Variants in MAD1L1 observed in about 807,000 individuals in gnomAD.
The protein encoded by MAD1L1 is mitotic spindle assembly checkpoint protein MAD1.
In MAD1L1, 95 loss-of-function variants were observed where a neutral mutation model predicts 96.9. That is an observed-to-expected ratio of 0.98 (90% CI 0.83 to 1.16). The LOEUF (loss-of-function observed/expected upper bound fraction) is 1.16. Among genes scored for constraint, MAD1L1 ranks in the 50% most tolerant of loss-of-function variants. The pLI is 0.00. For missense variants in MAD1L1, 1,007 were observed against 954.4 expected (o/e 1.06, Z -0.73); for synonymous variants, 473 against 396.6 (o/e 1.19, Z -2.29).
intron 9 of MAD1L1, among the ~76,000 whole-genome samples, chr7:2,214,562 C>A (rs1793160135): frequency 6.6e-6 from 1 of 152,100 alleles, no homozygotes; most frequent in Non-Finnish European, 1.5e-5. Context: ...TCCTGCCAGG[C>A]CCCACAACCA....
chr7:1,909,641 G>A (rs1229321398), intron 17 of MAD1L1, among the ~76,000 whole-genome samples: 2 of 152,110 alleles, frequency 1.3e-5, no homozygotes, highest in Non-Finnish European at 2.9e-5. Context: ...AGGGGCTGCC[G>A]GCCCCAAATC....
chr7:1,920,813 C>A (rs947574563), intron 17 of MAD1L1, among the ~76,000 whole-genome samples: 3 of 152,270 alleles, frequency 2.0e-5, no homozygotes, highest in Admixed American at 6.5e-5. Context: ...ACATCACCTA[C>A]ACCCCATAAC....
intron 14 of MAD1L1, among the ~76,000 whole-genome samples, chr7:1,982,226 T>G (rs1399705138): frequency 6.6e-6 from 1 of 151,966 alleles, no homozygotes; most frequent in African/African-American, 2.4e-5. Flanking sequence ...AATATACATA[T>G]ATATTCTGAG....
chr7:1,907,909 G>A (rs918025982), intron 17 of MAD1L1, among the ~76,000 whole-genome samples: 2 of 152,236 alleles, frequency 1.3e-5, no homozygotes, highest in African/African-American at 4.8e-5. Flanking sequence ...ACCTGAGCAT[G>A]GTCCGGAGAG....
Position 2,120,535 on chromosome 7 carries a change from C to T in MAD1L1, c.1073+28617G>A, listed in dbSNP as rs138484553. Reference sequence around the variant, plus strand: ...GTGCAGGAACCAAGCGGAAGCCCCACACCCAGGGCGCTGCCTTCTGCCAGA... The same window carrying T: ...GTGCAGGAACCAAGCGGAAGCCCCATACCCAGGGCGCTGCCTTCTGCCAGA... On this transcript the variant is annotated intron_variant, in intron 11 of 18. Transcript: ENST00000265854. 5.2e-3 allele frequency among the ~76,000 whole-genome samples: 799 copies of T among 152,364 alleles called. 6 individuals carry two copies. Among genetic ancestry groups the T allele is most frequent in the African/African-American group, 0.018 (763 of 41,592 alleles).
chr7:1,911,452 G>A (rs761521268), intron 17 of MAD1L1, among the ~76,000 whole-genome samples: 2 of 152,176 alleles, frequency 1.3e-5, no homozygotes, highest in African/African-American at 4.8e-5. Context: ...ACAGTCACTC[G>A]TGTGCAGCCC....
At chr7:1,953,748 CGT>C (rs1779605117) in intron 16 of MAD1L1, among the ~76,000 whole-genome samples, 6 of 152,252 alleles carry the variant, frequency 3.9e-5, no homozygotes, top group Middle Eastern at 3.2e-3. Context: ...AACTTCACAA[CGT>C]ATCTTTAAAT....
intron 7 of MAD1L1, among the ~76,000 whole-genome samples, chr7:2,216,975 T>C (rs1351923696): frequency 1.3e-5 from 2 of 152,104 alleles, no homozygotes; most frequent in African/African-American, 2.4e-5. Context: ...CTCCGCGTAC[T>C]GGGAGCTGGC....
rs1350386438 is a variant in MAD1L1, at chr7:2,142,939, C to T, written c.1073+6213G>A. Among the ~76,000 whole-genome samples the T allele has an allele frequency of 6.6e-6, 1 of 152,230 alleles. No individual in the cohort carries two copies. Among genetic ancestry groups the T allele is most frequent in the Non-Finnish European group, 1.5e-5 (1 of 68,040 alleles). ...CTCCCAGATGCCCCCACCGCCTAACCCGTCTGATCATCACCACTGGCCACA... is the reference window on the plus strand; with the variant it reads ...CTCCCAGATGCCCCCACCGCCTAACTCGTCTGATCATCACCACTGGCCACA... On this transcript the variant is annotated intron_variant, in intron 11 of 18. Transcript: ENST00000265854. This position sits in a 1 kb window ranked among gnomAD's most constrained non-coding sequence, Gnocchi z 4.7.
At chr7:2,188,459 A>G (rs1261368177) in intron 10 of MAD1L1, among the ~76,000 whole-genome samples, 1 of 152,234 alleles carries the variant, frequency 6.6e-6, no homozygotes, top group Non-Finnish European at 1.5e-5. Context: ...AGCCACAGTA[A>G]TCAAAACAGT....
At chr7:1,910,888 C>G (rs1448880814) in intron 17 of MAD1L1, among the ~76,000 whole-genome samples, 2 of 152,148 alleles carry the variant, frequency 1.3e-5, no homozygotes, top group Non-Finnish European at 2.9e-5. Flanking sequence ...GCCAGTCAGG[C>G]GGGACATGGG....
chr7:2,001,983 A>G, intron 14 of MAD1L1, 82 bp downstream of exon 14: 1 of 1,469,528 alleles, frequency 6.8e-7, no homozygotes, highest in Non-Finnish European at 9.5e-7. Flanking sequence ...CCTGCAGCCT[A>G]AAGGCTTATG....
chr7:2,024,973 A>C (rs748278565), intron 12 of MAD1L1, among the ~76,000 whole-genome samples: 1 of 152,246 alleles, frequency 6.6e-6, no homozygotes, highest in African/African-American at 2.4e-5. Context: ...GATATTATGA[A>C]CTTATCAAAA....
chr7:2,195,935 G>A (rs557609698), intron 10 of MAD1L1, among the ~76,000 whole-genome samples: 2 of 152,380 alleles, frequency 1.3e-5, no homozygotes, highest in South Asian at 2.1e-4. Context: ...GCTGAGTTCC[G>A]CTCAGGCTAA....
At chr7:2,160,963 A>G (rs1790079467) in intron 10 of MAD1L1, among the ~76,000 whole-genome samples, 1 of 152,204 alleles carries the variant, frequency 6.6e-6, no homozygotes, top group Non-Finnish European at 1.5e-5. Flanking sequence ...ATCTAATTAT[A>G]AACATTTGTA....
intron 18 of MAD1L1, chr7:1,844,267 G>C (rs1222672833): frequency 6.5e-6 from 1 of 154,372 alleles, no homozygotes; most frequent in East Asian, 1.9e-4. Context: ...GAAGTGTGGT[G>C]GTCCCACAGG....
rs983098360 is a variant in MAD1L1 at position 2,119,413 on chromosome 7, C to A, written c.1073+29739G>T. On this transcript the variant is annotated intron_variant, in intron 11 of 18. Coordinates refer to ENST00000265854, the MANE Select transcript of MAD1L1 (RefSeq NM_001013836.2). The surrounding 1 kb of genome is among the most constrained non-coding windows in gnomAD (Gnocchi z 4.6). ...GAGTCCTCCATCTCCCACCCAGATGCGATGAGCAGGAGCTGTCGTGGGGCG... is the reference window on the plus strand; with the variant it reads ...GAGTCCTCCATCTCCCACCCAGATGAGATGAGCAGGAGCTGTCGTGGGGCG... Among the ~76,000 whole-genome samples the A allele has an allele frequency of 6.6e-6, 1 of 152,178 alleles. No individual in the cohort carries two copies. Among genetic ancestry groups the A allele is most frequent in the Non-Finnish European group, 1.5e-5 (1 of 68,032 alleles).
At position 2,146,661 on chromosome 7, in the gene MAD1L1, G is replaced by A. The variant is rs1039784653; in HGVS notation, c.1073+2491C>T. ...AGTGACTACAAGCTACTTTCAATGA[G>A]AAACAAACAAAAGTGACTTTAAAAT... is the stretch of plus-strand genomic sequence containing the variant. On this transcript the variant is annotated intron_variant, in intron 11 of 18. Transcript: ENST00000265854. This position sits in a 1 kb window ranked among gnomAD's most constrained non-coding sequence, Gnocchi z 6.2. Among the ~76,000 whole-genome samples, 5 of 152,234 alleles carry A rather than the reference G, an allele frequency of 3.3e-5. No homozygotes were observed. Among genetic ancestry groups the A allele is most frequent in the African/African-American group, 7.2e-5 (3 of 41,454 alleles).
intron 10 of MAD1L1, among the ~76,000 whole-genome samples, chr7:2,165,438 G>A (rs1296827312): frequency 6.6e-6 from 1 of 152,062 alleles, no homozygotes; most frequent in African/African-American, 2.4e-5. Flanking sequence ...GGGGATGCCT[G>A]AGCCGTCAGC....
Sources: gnomAD v4.1 joint callset for allele counts (sites outside exome capture counted in the v4.1 genomes callset) on GRCh38, gnomAD v4.1.1 for gene constraint, Gnocchi (gnomAD v3.1) non-coding constraint, MANE v1.5 for transcripts, NCBI Gene and HGNC (gene_info 2026-07-23, HGNC 2026-07-21) for gene names.